Variants in ZBED6 observed in about 807,000 individuals in gnomAD.
ZBED6 encodes zinc finger BED-type containing 6, also known as zinc finger BED domain-containing protein 6.
A neutral mutation model predicts 58.4 loss-of-function variants in ZBED6; 40 were observed. That is an observed-to-expected ratio of 0.68 (90% confidence interval 0.53 to 0.89). The LOEUF (loss-of-function observed/expected upper bound fraction) is 0.89. Ranked by LOEUF, ZBED6 falls within the 40% of genes least tolerant of loss-of-function variation. ZBED6 has a pLI of 0.00. For synonymous variants in ZBED6, 439 were observed against 350.6 expected, an observed-to-expected ratio of 1.25 and a Z score of -2.82; for missense variants, 1,057 against 1,003.9, an observed-to-expected ratio of 1.05 and a Z score of -0.71.
At chr1:203,806,458 T>C (rs962616634) in intron 1 of ZBED6, among the ~76,000 whole-genome samples, 2 of 152,188 alleles carry the variant, frequency 1.3e-5, no homozygotes, top group African/African-American at 4.8e-5. Context: ...TCTGCCATCA[T>C]GCCCGGCTAA....
chr1:203,845,646 T>G (rs1687681223), intron 11 of ZBED6, among the ~76,000 whole-genome samples: 1 of 151,918 alleles, frequency 6.6e-6, no homozygotes, highest in African/African-American at 2.4e-5. Flanking sequence ...GGTAAATCTC[T>G]TGAGACCAGG....
intron 3 of ZBED6, among the ~76,000 whole-genome samples, chr1:203,821,148 C>T (rs1010768641): frequency 1.3e-5 from 2 of 151,982 alleles, no homozygotes; most frequent in Non-Finnish European, 1.5e-5. Flanking sequence ...ATAGTGAGTG[C>T]GTTCTCGTGA....
chr1:203,840,998 G>A (rs975368444), intron 11 of ZBED6, among the ~76,000 whole-genome samples: 8 of 152,084 alleles, frequency 5.3e-5, no homozygotes, highest in African/African-American at 1.9e-4. Context: ...AATTATGATA[G>A]TTATGTGCTA....
exon 3 of ZBED6, chr1:203,818,666 A>G (rs1401961035): frequency 1.2e-6 from 2 of 1,614,052 alleles, no homozygotes; most frequent in African/African-American, 1.3e-5. Flanking sequence ...ACAGGTGTGC[A>G]GGTTTCGGCA....
chr1:203,810,380 T>C (rs555213868), intron 1 of ZBED6, among the ~76,000 whole-genome samples: 26 of 151,916 alleles, frequency 1.7e-4, no homozygotes, highest in Non-Finnish European at 3.5e-4. Flanking sequence ...TTTTTTTCTT[T>C]ATCTCTTATT....
At chr1:203,835,914 C>T (rs1684182930) in intron 9 of ZBED6, 1 of 216,178 alleles carries the variant, frequency 4.6e-6, no homozygotes, top group East Asian at 1.1e-4. Context: ...TCCAGACATA[C>T]TTCCTTTAAG....
In ZBED6 at chr1:203,833,851, C is replaced by T; in HGVS notation, c.*3571C>T. The T allele has an allele frequency of 1.9e-6, 3 of 1,609,582 alleles. No homozygotes were observed. In the South Asian group the frequency reaches 3.3e-5, roughly 18 times the overall value. On this transcript the variant is annotated splice_region_variant and 3_prime_UTR_variant, in exon 9 of 17. Transcript: ENST00000550078. Reference sequence around the variant, plus strand: ...AGACTGGGGAAACGAAAATTTTCAGCAGGTAAGATAAGTTTTGTGTATATC... The same window carrying T: ...AGACTGGGGAAACGAAAATTTTCAGTAGGTAAGATAAGTTTTGTGTATATC...
chr1:203,806,599 G>A (rs754030492), intron 1 of ZBED6, among the ~76,000 whole-genome samples: 27 of 152,178 alleles, frequency 1.8e-4, no homozygotes, highest in South Asian at 1.5e-3. Context: ...CACCGTGCCC[G>A]GCCTAACACC....
rs1460413811 is a variant in ZBED6, at chr1:203,840,292, C to CTT, written c.*3673-12_*3673-11dup. On this transcript the variant is annotated splice_polypyrimidine_tract_variant and intron_variant, in intron 10 of 16. Coordinates refer to ENST00000550078, the Ensembl canonical transcript of ZBED6. ...TGTTCAACTTTTGATTTTTGAAAAT[C>CTT]TTTCTTTTCACAGCTCAAGTTTCCA... The CTT allele has an allele frequency of 1.2e-6, 2 of 1,611,094 alleles. No homozygotes were observed. Among genetic ancestry groups the CTT allele is most frequent in the Non-Finnish European group, 1.7e-6 (2 of 1,178,566 alleles).
exon 1 of ZBED6, chr1:203,801,508 A>AC (rs1352447719): frequency 1.3e-5 from 2 of 152,566 alleles, no homozygotes; most frequent in Non-Finnish European, 2.9e-5. Flanking sequence ...TTTTAGTAAA[A>AC]GTCTATTAAA....
At chr1:203,845,929 G>A (rs1440065055) in intron 11 of ZBED6, among the ~76,000 whole-genome samples, 1 of 151,944 alleles carries the variant, frequency 6.6e-6, no homozygotes, top group Non-Finnish European at 1.5e-5. Context: ...AATACTCCAA[G>A]TAGAGGGAAT....
exon 1 of ZBED6, chr1:203,796,145 C>T (rs1284415395): frequency 7.3e-6 from 2 of 275,512 alleles, no homozygotes; most frequent in East Asian, 5.8e-5. Flanking sequence ...CCCCGAAAAC[C>T]GACTGTTCCC....
At chr1:203,849,984 A>C (rs1184250346) in exon 14 of ZBED6, 1 of 1,614,024 alleles carries the variant, frequency 6.2e-7, no homozygotes, top group Non-Finnish European at 8.5e-7. Context: ...CTCATTATTG[A>C]ATGTGAAATG....
At chr1:203,809,736 T>C (rs993481634) in intron 1 of ZBED6, among the ~76,000 whole-genome samples, 2 of 152,020 alleles carry the variant, frequency 1.3e-5, no homozygotes, top group African/African-American at 2.4e-5. Flanking sequence ...GGCAGATCAC[T>C]TGAGGTCAGG....
At chr1:203,813,856 C>A (rs1174983907) in intron 1 of ZBED6, among the ~76,000 whole-genome samples, 2 of 152,046 alleles carry the variant, frequency 1.3e-5, no homozygotes, top group Non-Finnish European at 2.9e-5. Context: ...CTGTCTCTTT[C>A]ATTTTAAGCT....
intron 8 of ZBED6, among the ~76,000 whole-genome samples, chr1:203,833,140 C>G (rs879424445): frequency 1.3e-5 from 2 of 152,046 alleles, no homozygotes; most frequent in Non-Finnish European, 2.9e-5. Context: ...GAGGCCGAGG[C>G]GGGCAGATCA....
chr1:203,831,627 A>G, intron 7 of ZBED6, 34 bp from the exon 8 acceptor site: 5 of 1,574,030 alleles, frequency 3.2e-6, no homozygotes, highest in Non-Finnish European at 4.3e-6. Flanking sequence ...ATTTTCCATA[A>G]ATTATTTGCT....
intron 1 of ZBED6, among the ~76,000 whole-genome samples, chr1:203,808,169 A>C (rs1673024900): frequency 6.6e-6 from 1 of 152,168 alleles, no homozygotes. Context: ...GAATTTTTGT[A>C]TCTAAAAACT....
chr1:203,842,815 CTG>C (rs1395217069), intron 11 of ZBED6, among the ~76,000 whole-genome samples: 3 of 150,828 alleles, frequency 2.0e-5, no homozygotes, highest in African/African-American at 7.3e-5. Flanking sequence ...TATATTCTTT[CTG>C]TGTTATAATT....
Sources: allele counts gnomAD v4.1 joint callset (sites outside exome capture counted in the v4.1 genomes callset), GRCh38; gene constraint gnomAD v4.1.1; transcripts MANE v1.5; gene names NCBI Gene and HGNC (gene_info 2026-07-23, HGNC 2026-07-21).